Variants in ASPG observed in about 807,000 individuals in gnomAD.
ASPG encodes 60 kDa lysophospholipase.
Under a neutral mutation model 63.2 loss-of-function variants are expected in ASPG, and 53 were observed. That is an observed-to-expected ratio of 0.84 (90% CI 0.67 to 1.05). The LOEUF is 1.05. Ranked by LOEUF, ASPG falls within the 50% of genes least tolerant of loss-of-function variation. ASPG has a pLI of 0.00. For synonymous variants in ASPG, 370 were observed against 355.0 expected, an observed-to-expected ratio of 1.04 and a Z score of -0.48; for missense variants, 741 against 794.4, an observed-to-expected ratio of 0.93 and a Z score of 0.81.
rs2037289524 is a variant in ASPG, at chr14:104,109,397, A to G, written c.1520+82A>G. On this transcript the variant is annotated intron_variant, in intron 13 of 15. Transcript: ENST00000551177. The surrounding 1 kb of genome is among the most constrained non-coding windows in gnomAD (Gnocchi z 4.8). ...AGCGAAGCCAGACCTGCTGGGAGGG[A>G]CAAGTGAGTCAGGGTGTGGGGGCTT... 6.9e-7 allele frequency: 1 copy of G among 1,443,614 alleles called. No homozygotes were observed. Among genetic ancestry groups the G allele is most frequent in the Non-Finnish European group, 9.3e-7 (1 of 1,074,128 alleles). 89.4% of individuals were successfully genotyped at this position (1,443,614 alleles called of 1,614,324 possible).
intron 6 of ASPG, 122 bp from the exon 7 acceptor site, chr14:104,103,441 G>T (rs951773696): frequency 4.8e-6 from 4 of 832,704 alleles, no homozygotes; most frequent in African/African-American, 1.7e-5. Flanking sequence ...GGGCTGAGCC[G>T]CGAAGGCTCA....
At position 104,105,327 on chromosome 14, in the gene ASPG, G is replaced by A. The variant is rs1198871680; in HGVS notation, c.1051-1G>A. ...CACTTCACCTCTGTTCTCTCCACCA[G>A]CTGCTGACCAAGGACCTTCGGGGGG... On this transcript the variant is annotated splice_acceptor_variant, in intron 9 of 15. Coordinates refer to ENST00000551177, the MANE Select transcript of ASPG (RefSeq NM_001080464.3). LOFTEE classifies it high-confidence loss of function. 1 of 1,612,530 alleles carries A rather than the reference G, an allele frequency of 6.2e-7. No individual in the cohort carries two copies. The highest frequency in any genetic ancestry group is 2.2e-5 in the East Asian group (1 of 44,886).
chr14:104,108,585 G>A (rs900429038), intron 12 of ASPG: 15 of 985,438 alleles, frequency 1.5e-5, no homozygotes, highest in African/African-American at 1.4e-4. Flanking sequence ...GTGGGGGCAC[G>A]GCCAGCGATT....
At position 104,091,395 on chromosome 14, in the gene ASPG, C is replaced by T. The variant is rs1248879075; in HGVS notation, c.83-1238C>T. On this transcript the variant is annotated intron_variant, in intron 1 of 15. Transcript: ENST00000551177. The surrounding 1 kb of genome is among the most constrained non-coding windows in gnomAD (Gnocchi z 6.4). ...GGCAGACAAACATGTGCGGGCTCCG[C>T]CTCCCCCGTCTGCTGGCTGAGCCCT... is the stretch of plus-strand genomic sequence containing the variant. Among the ~76,000 whole-genome samples, 1 of 152,174 alleles carries T rather than the reference C, an allele frequency of 6.6e-6. No individual in the cohort carries two copies. Among genetic ancestry groups the T allele is most frequent in the Non-Finnish European group, 1.5e-5 (1 of 68,028 alleles).
intron 6 of ASPG, among the ~76,000 whole-genome samples, chr14:104,101,080 T>A (rs1205627313): frequency 1.3e-5 from 2 of 152,182 alleles, no homozygotes; most frequent in East Asian, 1.9e-4. Flanking sequence ...GGGCAGCTCC[T>A]GGGCGCAGCA....
chr14:104,094,704 A>G (rs1333671480), intron 3 of ASPG, among the ~76,000 whole-genome samples: 1 of 152,136 alleles, frequency 6.6e-6, no homozygotes, highest in African/African-American at 2.4e-5. Context: ...GCAAGGCGTG[A>G]CTGCTTTTTG....
chr14:104,104,287 A>T lies in ASPG; in HGVS notation c.754-17A>T. 1 of 1,603,256 alleles carries T rather than the reference A, an allele frequency of 6.2e-7. No homozygotes were observed. The highest frequency in any genetic ancestry group is 1.1e-5 in the South Asian group (1 of 90,190). On this transcript the variant is annotated splice_polypyrimidine_tract_variant and intron_variant, in intron 7 of 15. Transcript: ENST00000551177. ...CAGAGACCCTCACCATCCAGCCCCC[A>T]CCCCACCGCCCCACAGGTTCGGGCC...
chr14:104,101,965 T>C (rs2141022624), intron 6 of ASPG, among the ~76,000 whole-genome samples: 1 of 152,282 alleles, frequency 6.6e-6, no homozygotes, highest in African/African-American at 2.4e-5. Context: ...GGGTCACGAT[T>C]CCCCTGGCCT....
In ASPG at chr14:104,106,913, G is replaced by T; in HGVS notation, c.1269+19G>T. The T allele has an allele frequency of 1.3e-6, 2 of 1,555,970 alleles. No homozygotes were observed. The highest frequency in any genetic ancestry group is 1.4e-5 in the African/African-American group (1 of 73,684). On this transcript the variant is annotated intron_variant, in intron 11 of 15. Transcript: ENST00000551177. ...GGAGCTGGTGAGCCTCCCCCACCCTGGGGGCCCAGCCCCAGCCACGCCTGG... is the reference window on the plus strand; with the variant it reads ...GGAGCTGGTGAGCCTCCCCCACCCTTGGGGCCCAGCCCCAGCCACGCCTGG...
chr14:104,108,443 C>T (rs1017449214), intron 12 of ASPG: 41 of 985,292 alleles, frequency 4.2e-5, no homozygotes, highest in East Asian at 1.1e-4. Flanking sequence ...AGCCTCGCTC[C>T]GCTGCCAGGC....
At position 104,110,574 on chromosome 14, in the gene ASPG, G is replaced by GT. The variant is rs1010975852; in HGVS notation, c.1521-927dup. 1.2e-5 allele frequency: 12 copies of GT among 985,218 alleles called. No homozygotes were observed. In the African/African-American group the frequency reaches 1.9e-4, roughly 16 times the overall value. 61.0% of individuals were successfully genotyped at this position (985,218 alleles called of 1,614,324 possible). On this transcript the variant is annotated intron_variant, in intron 13 of 15. Coordinates refer to ENST00000551177, the MANE Select transcript of ASPG (RefSeq NM_001080464.3). The surrounding 1 kb of genome is among the most constrained non-coding windows in gnomAD (Gnocchi z 4.7). Reference sequence around the variant, plus strand: ...GCTAGGCCTTCCTAGGGGCCGGTGTGTGTGTGGGGCTTGGCCTCTTGGAGC... The same window carrying GT: ...GCTAGGCCTTCCTAGGGGCCGGTGTGTTGTGTGGGGCTTGGCCTCTTGGAGC...
chr14:104,092,795 G>A lies in ASPG; in HGVS notation c.191+54G>A, dbSNP rs1384616343. Reference sequence around the variant, plus strand: ...CAGGGCATGGCTGCTGAGGGGCACCGATCCTGAGGCTGGGCACTGCTGGCC... The same window carrying A: ...CAGGGCATGGCTGCTGAGGGGCACCAATCCTGAGGCTGGGCACTGCTGGCC... On this transcript the variant is annotated intron_variant, in intron 2 of 15. Transcript: ENST00000551177. 12 of 1,451,534 alleles carry A rather than the reference G, an allele frequency of 8.3e-6. No individual in the cohort carries two copies. The East Asian group carries it at 9.9e-5, about 12-fold the overall frequency. 89.9% of individuals were successfully genotyped at this position (1,451,534 alleles called of 1,614,324 possible). A position where few individuals can be genotyped will look rare whatever the true frequency, so the allele number is the denominator to read the frequency against.
At position 104,110,845 on chromosome 14, in the gene ASPG, C is replaced by T. The variant is rs1344041242; in HGVS notation, c.1521-657C>T. 1.0e-5 allele frequency: 10 copies of T among 985,270 alleles called. No individual in the cohort carries two copies. The East Asian group carries it at 6.8e-4, about 67-fold the overall frequency. 61.0% of individuals were successfully genotyped at this position (985,270 alleles called of 1,614,324 possible). A position where few individuals can be genotyped will look rare whatever the true frequency, so the allele number is the denominator to read the frequency against. Reference sequence around the variant, plus strand: ...CTCCCCAGGTGGCGAGTGAGTTCTTCCCAGGAGGGTGGCAGGGTGAGGAGG... The same window carrying T: ...CTCCCCAGGTGGCGAGTGAGTTCTTTCCAGGAGGGTGGCAGGGTGAGGAGG... On this transcript the variant is annotated intron_variant, in intron 13 of 15. Coordinates refer to ENST00000551177, the MANE Select transcript of ASPG (RefSeq NM_001080464.3). The surrounding 1 kb of genome is among the most constrained non-coding windows in gnomAD (Gnocchi z 4.7).
At chr14:104,108,951 T>A (rs2037267042) in intron 12 of ASPG, 1 of 985,196 alleles carries the variant, frequency 1.0e-6, no homozygotes, top group Non-Finnish European at 1.2e-6. Flanking sequence ...GGGTGCTGGG[T>A]GCGGGGCTGC....
At chr14:104,095,130 A>C (rs2036539236) in intron 3 of ASPG, among the ~76,000 whole-genome samples, 1 of 152,182 alleles carries the variant, frequency 6.6e-6, no homozygotes, top group Non-Finnish European at 1.5e-5. Context: ...TTGACCCTGC[A>C]GGCGTCCTTG....
chr14:104,087,843 C>T (rs953289120), intron 1 of ASPG, among the ~76,000 whole-genome samples: 45 of 152,164 alleles, frequency 3.0e-4, no homozygotes, highest in African/African-American at 1.0e-3. Flanking sequence ...ACGCGTGCAC[C>T]GCATTTCTGA....
chr14:104,111,125 A>G (rs2037366124), intron 13 of ASPG: 1 of 985,304 alleles, frequency 1.0e-6, no homozygotes, highest in Non-Finnish European at 1.2e-6. Context: ...GGGCGTGCAT[A>G]TGTGTGTGCA....
intron 3 of ASPG, among the ~76,000 whole-genome samples, chr14:104,093,825 GGAGTGTGGGTGGGGCTGT>G (rs941250588): frequency 2.0e-5 from 3 of 148,066 alleles, no homozygotes; most frequent in African/African-American, 7.5e-5. Context: ...GTGAGGCTGT[GGAGTGTGGGTGGGGCTGT>G]GGGTGTGGGG....
intron 1 of ASPG, among the ~76,000 whole-genome samples, chr14:104,086,741 A>G (rs556096067): frequency 9.2e-5 from 14 of 151,794 alleles, no homozygotes. Context: ...GCGACCCTCC[A>G]TGGGCCACTG....
Sources: allele counts gnomAD v4.1 joint callset (sites outside exome capture counted in the v4.1 genomes callset), GRCh38; gene constraint gnomAD v4.1.1; non-coding constraint Gnocchi (gnomAD v3.1); transcripts MANE v1.5; gene names NCBI Gene and HGNC (gene_info 2026-07-23, HGNC 2026-07-21).